The following GTPBP4 variants were observed in gnomAD, a reference collection of about 807,000 sequenced individuals.
GTPBP4 encodes GTP-binding protein 4.
Under a neutral mutation model 81.7 loss-of-function variants are expected in GTPBP4, and 15 were observed. The observed-to-expected ratio is 0.18, with a 90% CI of 0.12 to 0.28. The LOEUF (loss-of-function observed/expected upper bound fraction) is 0.28. Among genes scored for constraint, GTPBP4 ranks in the 10% least tolerant of loss-of-function variants. GTPBP4 has a pLI of 1.00. For missense variants in GTPBP4, 847 were observed against 793.8 expected (o/e 1.07, Z -0.81); for synonymous variants, 272 against 274.6 (o/e 0.99, Z 0.09).
chr10:1,007,748 T>C (rs1174863579), intron 10 of GTPBP4: 1 of 384,590 alleles, frequency 2.6e-6, no homozygotes, highest in Non-Finnish European at 5.0e-6. Flanking sequence ...GGAGGCTGTG[T>C]CCTTCCCTCT....
At chr10:1,000,308 G>A (rs1314042314) in intron 6 of GTPBP4, among the ~76,000 whole-genome samples, 1 of 140,356 alleles carries the variant, frequency 7.1e-6, no homozygotes, top group Admixed American at 7.7e-5. Flanking sequence ...CGCTATCTTG[G>A]CTCACTGCAA....
intron 6 of GTPBP4, among the ~76,000 whole-genome samples, chr10:999,533 G>A (rs949159087): frequency 2.0e-5 from 3 of 152,224 alleles, no homozygotes; most frequent in South Asian, 2.1e-4. Context: ...AGAACAGGTC[G>A]CATGTCTCTG....
At chr10:1,002,464 A>C (rs1224082454) in intron 8 of GTPBP4, among the ~76,000 whole-genome samples, 1 of 152,020 alleles carries the variant, frequency 6.6e-6, no homozygotes. Context: ...CTTCATTTTC[A>C]GTCTATGTGT....
chr10:1,012,950 T>C (rs1428446942), intron 14 of GTPBP4, among the ~76,000 whole-genome samples: 1 of 152,212 alleles, frequency 6.6e-6, no homozygotes, highest in Non-Finnish European at 1.5e-5. Context: ...CGTTCAAGGC[T>C]ATCAGTGAAC....
At chr10:1,000,317 A>C (rs1262472597) in intron 6 of GTPBP4, among the ~76,000 whole-genome samples, 1 of 146,196 alleles carries the variant, frequency 6.8e-6, no homozygotes, top group Admixed American at 7.0e-5. Context: ...GGCTCACTGC[A>C]AGCTCCGCCT....
rs769837222 is a variant in GTPBP4, at chr10:988,508, C to A, written c.29C>A (p.Thr10Lys). MAHYNFKKI[T>K]VVPSAKDFID... ...GCACATTACAACTTCAAGAAAATTA[C>A]GGTGGTGCCGTCCGCCAAGGTAGGC... Residue 10 changes from threonine (T) to lysine (K), a missense_variant, in exon 1 of 17, where the codon ACG becomes AAG. By Grantham distance (78) the Thr-to-Lys change is moderately conservative (BLOSUM62 -1). This residue lies in a region of GTPBP4 where 241 missense variants were observed against 216.3 expected (regional missense o/e 1.11). Coordinates refer to ENST00000360803, the MANE Select transcript of GTPBP4 (RefSeq NM_012341.3). 11 of 1,612,700 alleles carry A rather than the reference C, an allele frequency of 6.8e-6. No homozygotes were observed. The African/African-American group carries it at 1.1e-4, about 16-fold the overall frequency.
Position 1,000,854 on chromosome 10 carries a change from C to T in GTPBP4, c.832C>T (p.Leu278Phe), listed in dbSNP as rs1441136859. 6.2e-7 allele frequency: 1 copy of T among 1,611,070 alleles called. No individual in the cohort carries two copies. The highest frequency in any genetic ancestry group is 1.3e-5 in the African/African-American group (1 of 74,918). The change falls in exon 7 of 17, where the codon CTC becomes TTC. Residue 278 changes from leucine to phenylalanine, a missense_variant. By Grantham distance (22) the Leu-to-Phe change is conservative. This residue lies in a region of GTPBP4 where 600 missense variants were observed against 557.1 expected (regional missense o/e 1.08). Coordinates refer to ENST00000360803, the MANE Select transcript of GTPBP4 (RefSeq NM_012341.3). The stretch of plus-strand genomic sequence containing the variant: ...AGAACTCTTCCAGAACATCAGACCT[C>T]TCTTCATCAACAAGGTGTGTGTGGT... ...QLELFQNIRP[L>F]FINKPLIVVA...
intron 6 of GTPBP4, among the ~76,000 whole-genome samples, chr10:999,896 T>C (rs1306124717): frequency 6.6e-6 from 1 of 152,080 alleles, no homozygotes; most frequent in East Asian, 1.9e-4. Context: ...AAGACAGGGG[T>C]TGCAGTGAGC....
At chr10:993,800 T>C (rs1321609100) in intron 2 of GTPBP4, among the ~76,000 whole-genome samples, 1 of 152,068 alleles carries the variant, frequency 6.6e-6, no homozygotes, top group Non-Finnish European at 1.5e-5. Context: ...TAATGGCTTT[T>C]TTTTTTTAAG....
At chr10:1,005,014 C>T (rs1340814982) in intron 8 of GTPBP4, among the ~76,000 whole-genome samples, 3 of 152,304 alleles carry the variant, frequency 2.0e-5, no homozygotes, top group East Asian at 3.9e-4. Context: ...TGTGGGTGTC[C>T]AGAGTGGTGG....
intron 15 of GTPBP4, among the ~76,000 whole-genome samples, chr10:1,015,426 A>G (rs1427420914): frequency 1.1e-5 from 1 of 94,440 alleles, no homozygotes; most frequent in African/African-American, 4.7e-5. Flanking sequence ...TGAGCCTGGG[A>G]GTGGACCTGG....
chr10:1,003,235 T>C (rs1831670539), intron 8 of GTPBP4, among the ~76,000 whole-genome samples: 1 of 152,252 alleles, frequency 6.6e-6, no homozygotes, highest in Admixed American at 6.5e-5. Context: ...CTACAGGATT[T>C]CTGTTTGACT....
chr10:1,004,766 C>T (rs968939814), intron 8 of GTPBP4, among the ~76,000 whole-genome samples: 5 of 152,152 alleles, frequency 3.3e-5, no homozygotes, highest in Non-Finnish European at 7.4e-5. Context: ...AGCAGCTGCT[C>T]ACAGCTGGCT....
intron 8 of GTPBP4, among the ~76,000 whole-genome samples, chr10:1,001,682 GTTTTTT>G: frequency 7.0e-6 from 1 of 142,102 alleles, no homozygotes; most frequent in East Asian, 2.0e-4. Context: ...CTCATGGGTG[GTTTTTT>G]TTTTTTTTTT....
chr10:1,010,311 TC>T (rs1237643925), intron 12 of GTPBP4, 108 bp from the exon 13 acceptor site: 4 of 672,168 alleles, frequency 6.0e-6, no homozygotes, highest in Non-Finnish European at 2.7e-6. Flanking sequence ...CGTGCTCTCT[TC>T]TGCAGTGGAG....
At chr10:996,972 C>T in intron 4 of GTPBP4, 1 of 498,366 alleles carries the variant, frequency 2.0e-6, no homozygotes, top group East Asian at 3.7e-5. Context: ...AAAACGTGGG[C>T]TTAGAAGGGC....
At chr10:1,013,668 G>A (rs917998106) in intron 14 of GTPBP4, among the ~76,000 whole-genome samples, 11 of 152,238 alleles carry the variant, frequency 7.2e-5, no homozygotes, top group Admixed American at 3.3e-4. Flanking sequence ...GAAACCTGAC[G>A]CAGTCTACAA....
At chr10:993,510 G>A (rs1221322955) in intron 2 of GTPBP4, among the ~76,000 whole-genome samples, 1 of 151,966 alleles carries the variant, frequency 6.6e-6, no homozygotes, top group Non-Finnish European at 1.5e-5. Flanking sequence ...GCCTCCCAAA[G>A]TGCTGGGATT....
At chr10:993,394 A>G (rs1488087912) in intron 2 of GTPBP4, among the ~76,000 whole-genome samples, 1 of 152,200 alleles carries the variant, frequency 6.6e-6, no homozygotes, top group Non-Finnish European at 1.5e-5. Context: ...CTGGGATTAC[A>G]GGTGCATAAC....
Sources: allele counts gnomAD v4.1 joint callset (sites outside exome capture counted in the v4.1 genomes callset), GRCh38; gene constraint gnomAD v4.1.1; regional missense constraint gnomAD v4.1.1; transcripts MANE v1.5; gene names NCBI Gene and HGNC (gene_info 2026-07-23, HGNC 2026-07-21).